HOMER2: variants seen among roughly 807,000 people sequenced by gnomAD.
The protein encoded by HOMER2 is homer protein homolog 2.
A neutral mutation model predicts 47.0 loss-of-function variants in HOMER2; 27 were observed. The observed-to-expected ratio is 0.57, with a 90% confidence interval of 0.42 to 0.79. HOMER2 has a LOEUF of 0.79. Among genes scored for constraint, HOMER2 ranks in the 30% least tolerant of loss-of-function variants. HOMER2 has a pLI of 0.00. For synonymous variants in HOMER2, 161 were observed against 163.8 expected (o/e 0.98, Z 0.13); for missense variants, 443 against 435.0 (o/e 1.02, Z -0.16).
chr15:82,866,433 A>C (rs117872319), intron 3 of HOMER2, among the ~76,000 whole-genome samples: 4,546 of 152,242 alleles, frequency 0.03, 100 homozygotes, highest in Middle Eastern at 0.082. Context: ...CTTGTCTCAG[A>C]TGAGACCGGA....
At chr15:82,928,960 A>AAAAAAAAAAAAAAAAAAAAAT (rs2053933614) in intron 1 of HOMER2, among the ~76,000 whole-genome samples, 1 of 148,850 alleles carries the variant, frequency 6.7e-6, no homozygotes, top group Non-Finnish European at 1.5e-5. Context: ...AAAAAAAAAA[A>AAAAAAAAAAAAAAAAAAAAAT]GCTGTCATGC....
At chr15:82,923,542 C>T (rs1452639464) in intron 1 of HOMER2, among the ~76,000 whole-genome samples, 1 of 151,716 alleles carries the variant, frequency 6.6e-6, no homozygotes, top group Admixed American at 6.6e-5. Flanking sequence ...TTGAGTGAAC[C>T]CCAGTCTCAG....
intron 3 of HOMER2, among the ~76,000 whole-genome samples, chr15:82,867,917 C>T (rs1384877689): frequency 5.3e-5 from 8 of 152,106 alleles, no homozygotes; most frequent in Non-Finnish European, 1.0e-4. Flanking sequence ...AGAGAAACTT[C>T]CTCTCAAAGC....
chr15:82,980,611 C>T (rs1313762125), intron 1 of HOMER2, among the ~76,000 whole-genome samples: 1 of 151,980 alleles, frequency 6.6e-6, no homozygotes, highest in African/African-American at 2.4e-5. Context: ...TGTGGCCACC[C>T]CTGACTGACC....
intron 1 of HOMER2, among the ~76,000 whole-genome samples, chr15:82,899,472 G>A (rs1383592934): frequency 6.6e-6 from 1 of 152,220 alleles, no homozygotes; most frequent in East Asian, 1.9e-4. Context: ...GGAAAAAGGA[G>A]ATGTGGACAG....
At chr15:82,875,879 G>T (rs1277681675) in intron 2 of HOMER2, among the ~76,000 whole-genome samples, 2 of 152,224 alleles carry the variant, frequency 1.3e-5, no homozygotes, top group African/African-American at 2.4e-5. Context: ...CCAACAGGAA[G>T]GAGCAGGTAC....
intron 1 of HOMER2, among the ~76,000 whole-genome samples, chr15:82,977,900 A>G (rs1308822332): frequency 6.6e-6 from 1 of 152,180 alleles, no homozygotes; most frequent in Non-Finnish European, 1.5e-5. Context: ...TAATCCCAGC[A>G]CTTTGCGAGG....
intron 3 of HOMER2, among the ~76,000 whole-genome samples, chr15:82,868,890 G>T (rs1406075071): frequency 2.0e-5 from 3 of 151,818 alleles, no homozygotes; most frequent in African/African-American, 7.3e-5. Context: ...GTCCCATTGA[G>T]GTAGGAGGCA....
At chr15:82,952,731 G>C, upstream of HOMER2, 1 of 980,136 alleles carries the variant, frequency 1.0e-6, no homozygotes, top group East Asian at 1.1e-4. Flanking sequence ...GGGCGGGCGG[G>C]GGCTGGGCGG....
chr15:82,870,386 C>T (rs777667335), intron 3 of HOMER2, among the ~76,000 whole-genome samples: 2 of 152,152 alleles, frequency 1.3e-5, no homozygotes, highest in Admixed American at 6.5e-5. Flanking sequence ...CCTCTTCCTC[C>T]TCCCTCTCGC....
At chr15:82,957,543 A>G (rs1339478356), upstream of HOMER2, among the ~76,000 whole-genome samples, 1 of 152,196 alleles carries the variant, frequency 6.6e-6, no homozygotes, top group Non-Finnish European at 1.5e-5. Context: ...ACTTCCTGCC[A>G]GATAACACTT....
chr15:82,865,134 G>T (rs1363180817), intron 3 of HOMER2, among the ~76,000 whole-genome samples: 1 of 152,248 alleles, frequency 6.6e-6, no homozygotes, highest in African/African-American at 2.4e-5. Context: ...AGGGTAAGCA[G>T]TAAAGGTCAG....
chr15:82,982,171 CA>C (rs1362838517), intron 1 of HOMER2, among the ~76,000 whole-genome samples: 1 of 152,144 alleles, frequency 6.6e-6, no homozygotes, highest in African/African-American at 2.4e-5. Flanking sequence ...GATGCTTTAA[CA>C]GGGACTTTTA....
chr15:82,965,132 G>T (rs2151253656), intron 1 of HOMER2, among the ~76,000 whole-genome samples: 2 of 152,158 alleles, frequency 1.3e-5, no homozygotes, highest in East Asian at 3.9e-4. Context: ...GGATCCTCCT[G>T]CCTCAGCTTC....
Position 82,857,516 on chromosome 15 carries a change from C to T in HOMER2, c.494+1513G>A, listed in dbSNP as rs186465646. On this transcript the variant is annotated intron_variant, in intron 5 of 8. Transcript: ENST00000450735. Reference sequence around the variant, plus strand: ...CGTGATCTTGGCTCACTGCAACCTCCGCCTCCCGGGTTCAAGTAATTCTCC... The same window carrying T: ...CGTGATCTTGGCTCACTGCAACCTCTGCCTCCCGGGTTCAAGTAATTCTCC... Among the ~76,000 whole-genome samples, 87 of 150,898 alleles carry T rather than the reference C, an allele frequency of 5.8e-4. No homozygotes were observed. In the Middle Eastern group the frequency reaches 0.014, roughly 24 times the overall value.
intron 1 of HOMER2, among the ~76,000 whole-genome samples, chr15:82,915,608 AGGCTAACGTG>A (rs1162195845): frequency 1.3e-5 from 2 of 152,176 alleles, no homozygotes. Flanking sequence ...AGCTGCTGGG[AGGCTAACGTG>A]GGAGGATTGC....
chr15:82,960,404 G>A (rs900193404), intron 1 of HOMER2, among the ~76,000 whole-genome samples: 1 of 152,154 alleles, frequency 6.6e-6, no homozygotes, highest in Non-Finnish European at 1.5e-5. Flanking sequence ...GTTGAACAGA[G>A]GTGGGGCTGA....
intron 1 of HOMER2, among the ~76,000 whole-genome samples, chr15:82,901,799 G>A (rs1333502581): frequency 1.3e-5 from 2 of 152,158 alleles, no homozygotes; most frequent in Admixed American, 6.5e-5. Context: ...ATACATGTAG[G>A]AAAAACATTA....
At chr15:82,890,890 AGAG>A (rs1388547208) in intron 2 of HOMER2, among the ~76,000 whole-genome samples, 1 of 152,164 alleles carries the variant, frequency 6.6e-6, no homozygotes, top group Non-Finnish European at 1.5e-5. Flanking sequence ...GCAGAAGCAC[AGAG>A]GAGAGAAACG....
Sources: gnomAD v4.1 joint callset for allele counts (sites outside exome capture counted in the v4.1 genomes callset) on GRCh38, gnomAD v4.1.1 for gene constraint, MANE v1.5 for transcripts, NCBI Gene and HGNC (gene_info 2026-07-23, HGNC 2026-07-21) for gene names.